DAB1: variants seen among roughly 807,000 people sequenced by gnomAD.
DAB1 encodes the protein disabled homolog 1.
A neutral mutation model predicts 64.6 loss-of-function variants in DAB1; 15 were observed. The observed-to-expected ratio is 0.23, with a 90% confidence interval of 0.16 to 0.36. DAB1 has a LOEUF of 0.36. DAB1 is among the 10% of genes least tolerant of loss of function. The pLI is 1.00. For missense variants in DAB1, 596 were observed against 706.7 expected, an observed-to-expected ratio of 0.84 and a Z score of 1.78; for synonymous variants, 235 against 251.9, an observed-to-expected ratio of 0.93 and a Z score of 0.64.
At chr1:57,984,361 A>G (rs1334247223) in intron 5 of DAB1, among the ~76,000 whole-genome samples, 2 of 152,134 alleles carry the variant, frequency 1.3e-5, no homozygotes, top group Non-Finnish European at 2.9e-5. Flanking sequence ...TACAATAGTG[A>G]TGGTAAGTGT....
chr1:57,665,264 C>A lies in DAB1; in HGVS notation n.552-15599G>T, dbSNP rs184334467. ...GGAAGTAGTCAAGTTTGGAAGCAAC[C>A]AAATACATGAAAATTAACAAAATTT... On this transcript the variant is annotated intron_variant and non_coding_transcript_variant, in intron 6 of 20. Transcript: ENST00000485760. Among the ~76,000 whole-genome samples, 296 of 151,906 alleles carry A rather than the reference C, an allele frequency of 1.9e-3. 1 individual carries two copies. The highest frequency in any genetic ancestry group is 6.7e-3 in the African/African-American group (280 of 41,524).
intron 7 of DAB1, among the ~76,000 whole-genome samples, chr1:57,530,565 T>C (rs766396222): frequency 1.3e-5 from 2 of 152,188 alleles, no homozygotes; most frequent in Non-Finnish European, 2.9e-5. Context: ...ATCCAGTTAA[T>C]CTTCTCTGCT....
chr1:57,237,432 G>C (rs905644463), intron 2 of DAB1, among the ~76,000 whole-genome samples: 1 of 152,174 alleles, frequency 6.6e-6, no homozygotes, highest in East Asian at 1.9e-4. Flanking sequence ...TCATCCAAAA[G>C]AATTTGTTTA....
chr1:58,395,657 T>C (rs542603247), intron 3 of DAB1, among the ~76,000 whole-genome samples: 1 of 152,320 alleles, frequency 6.6e-6, no homozygotes, highest in South Asian at 2.1e-4. Context: ...GAGTCTAGCC[T>C]GGAGCTCTTT....
chr1:57,154,444 T>A (rs1311171441), intron 2 of DAB1, among the ~76,000 whole-genome samples: 1 of 152,250 alleles, frequency 6.6e-6, no homozygotes, highest in South Asian at 2.1e-4. Flanking sequence ...CATCTGTTGA[T>A]GGACAACAAA....
At chr1:57,176,155 G>C (rs1354877532) in intron 2 of DAB1, among the ~76,000 whole-genome samples, 1 of 152,080 alleles carries the variant, frequency 6.6e-6, no homozygotes, top group East Asian at 1.9e-4. Context: ...GGTCCTTTAT[G>C]ACATTTTAGT....
chr1:57,850,971 C>CT (rs905927676), intron 1 of DAB1, among the ~76,000 whole-genome samples: 1 of 152,308 alleles, frequency 6.6e-6, no homozygotes, highest in Admixed American at 6.5e-5. Context: ...CCCCCCAAGG[C>CT]TTAGCTTCAG....
At chr1:58,312,978 T>A (rs1662464070) in intron 4 of DAB1, among the ~76,000 whole-genome samples, 1 of 152,166 alleles carries the variant, frequency 6.6e-6, no homozygotes, top group African/African-American at 2.4e-5. Context: ...ATACAGGAAG[T>A]GCAATGTTAA....
chr1:57,390,061 C>T (rs1682215713), intron 1 of DAB1, among the ~76,000 whole-genome samples: 1 of 152,222 alleles, frequency 6.6e-6, no homozygotes, highest in African/African-American at 2.4e-5. Flanking sequence ...ATGGTCTGCT[C>T]TTATAAGTGG....
At chr1:57,783,983 C>G (rs550025928) in intron 6 of DAB1, among the ~76,000 whole-genome samples, 2 of 152,242 alleles carry the variant, frequency 1.3e-5, no homozygotes, top group African/African-American at 4.8e-5. Context: ...GCAATGGCCT[C>G]TAGGTGTTCA....
At chr1:57,800,269 T>C (rs892936108) in intron 6 of DAB1, among the ~76,000 whole-genome samples, 1 of 152,120 alleles carries the variant, frequency 6.6e-6, no homozygotes, top group Non-Finnish European at 1.5e-5. Flanking sequence ...AAGGGAAGAA[T>C]TCAAGAGATG....
chr1:58,033,488 T>C (rs950866960), intron 5 of DAB1, among the ~76,000 whole-genome samples: 1 of 152,198 alleles, frequency 6.6e-6, no homozygotes, highest in Non-Finnish European at 1.5e-5. Context: ...CTATCGGGAA[T>C]ATGACTAAAA....
chr1:58,546,345 G>A (rs1311169947), intron 1 of DAB1, among the ~76,000 whole-genome samples: 1 of 152,332 alleles, frequency 6.6e-6, no homozygotes, highest in Non-Finnish European at 1.5e-5. Context: ...TCTGAAAGCG[G>A]AGCCGCGGAT....
intron 7 of DAB1, among the ~76,000 whole-genome samples, chr1:57,564,282 C>T (rs1313085608): frequency 1.3e-5 from 2 of 152,168 alleles, no homozygotes; most frequent in Admixed American, 6.5e-5. Flanking sequence ...AAAACCCCAT[C>T]TGTACATCAG....
chr1:57,719,845 A>T (rs1647129967), intron 6 of DAB1, among the ~76,000 whole-genome samples: 1 of 152,258 alleles, frequency 6.6e-6, no homozygotes, highest in African/African-American at 2.4e-5. Context: ...ATGAGATTTG[A>T]AGGAAACTAA....
chr1:57,284,435 C>T (rs981019903), intron 2 of DAB1, among the ~76,000 whole-genome samples: 7 of 152,140 alleles, frequency 4.6e-5, no homozygotes, highest in African/African-American at 1.4e-4. Flanking sequence ...ATTAATGATG[C>T]CCCGTCCTAC....
intron 6 of DAB1, among the ~76,000 whole-genome samples, chr1:57,815,864 G>A (rs1281858650): frequency 1.3e-5 from 2 of 152,116 alleles, no homozygotes; most frequent in African/African-American, 2.4e-5. Context: ...TTTTGCAATG[G>A]TCTCCAAGCA....
intron 5 of DAB1, among the ~76,000 whole-genome samples, chr1:58,069,417 C>T (rs1490742278): frequency 6.6e-6 from 1 of 152,154 alleles, no homozygotes; most frequent in Non-Finnish European, 1.5e-5. Flanking sequence ...TTTTGTCTAC[C>T]ATAATTAGCA....
chr1:57,264,833 A>G (rs1195508829), intron 2 of DAB1, among the ~76,000 whole-genome samples: 1 of 152,148 alleles, frequency 6.6e-6, no homozygotes, highest in Non-Finnish European at 1.5e-5. Context: ...CACCCACTGT[A>G]TCTGTTCATG....
Sources: allele counts gnomAD v4.1 joint callset (sites outside exome capture counted in the v4.1 genomes callset), GRCh38; gene constraint gnomAD v4.1.1; transcripts MANE v1.5; gene names NCBI Gene and HGNC (gene_info 2026-07-23, HGNC 2026-07-21).